The following KLHL28 variants were observed in gnomAD, a reference collection of about 807,000 sequenced individuals.
KLHL28 encodes kelch-like protein 28.
Under a neutral mutation model 48.3 loss-of-function variants are expected in KLHL28, and 22 were observed. The observed-to-expected ratio is 0.46, with a 90% CI of 0.33 to 0.65. KLHL28 has a LOEUF of 0.65. Ranked by LOEUF, KLHL28 falls within the 30% of genes least tolerant of loss-of-function variation. The pLI is 0.03. For synonymous variants in KLHL28, 243 were observed against 242.4 expected, an observed-to-expected ratio of 1.00 and a Z score of -0.02; for missense variants, 527 against 704.3, an observed-to-expected ratio of 0.75 and a Z score of 2.85.
Position 44,945,897 on chromosome 14 carries a change from G to C in KLHL28, c.32C>G (p.Ala11Gly). 1 of 1,613,758 alleles carries C rather than the reference G, an allele frequency of 6.2e-7. No homozygotes were observed. Among genetic ancestry groups the C allele is most frequent in the Non-Finnish European group, 8.5e-7 (1 of 1,179,660 alleles). The change falls in exon 2 of 5, where the codon GCT (alanine) becomes GGT (glycine). Residue 11 changes from alanine to glycine, a missense_variant. By Grantham distance (60) the Ala-to-Gly change is moderately conservative. Coordinates refer to ENST00000396128, the MANE Select transcript of KLHL28 (RefSeq NM_017658.5). MDHTSPTYML[A>G]NLTHLHSEQL... ...TTCAGAATGCAAGTGGGTTAAGTTA[G>C]CAAGCATGTAGGTCGGGGATGTGTG...
At chr14:44,951,074 A>G (rs1246157766) in intron 1 of KLHL28, among the ~76,000 whole-genome samples, 1 of 152,268 alleles carries the variant, frequency 6.6e-6, no homozygotes, top group Admixed American at 6.5e-5. Flanking sequence ...TGTCCCGCAC[A>G]TCAAAAATGG....
chr14:44,926,384 A>G lies in KLHL28; in HGVS notation c.*2644T>C, dbSNP rs1883371451. On this transcript the variant is annotated 3_prime_UTR_variant, in exon 5 of 5. Coordinates refer to ENST00000396128, the MANE Select transcript of KLHL28 (RefSeq NM_017658.5). ...ATGAAATTTAGATTTTTCAAAAACA[A>G]TGACCAGTATATGTTTTTGATCTAA... The G allele has an allele frequency of 6.6e-6, 1 of 152,226 alleles. No homozygotes were observed. The highest frequency in any genetic ancestry group is 1.5e-5 in the Non-Finnish European group (1 of 68,038). The allele number at this position is 152,226 out of a possible 1,614,324, so 9.4% of individuals were successfully genotyped here.
At chr14:44,954,832 A>T (rs1884727720) in intron 1 of KLHL28, among the ~76,000 whole-genome samples, 1 of 152,216 alleles carries the variant, frequency 6.6e-6, no homozygotes, top group Non-Finnish European at 1.5e-5. Flanking sequence ...AACATGATCC[A>T]TAAGAAATTT....
chr14:44,928,331 CG>C lies in KLHL28; in HGVS notation c.*696del, dbSNP rs1566559115. ...TAGATAGGTAATTAAATTCATCCAA[CG>C]TTAACCTGCCCATATACAAAAGGCA... is the stretch of plus-strand genomic sequence containing the variant. On this transcript the variant is annotated 3_prime_UTR_variant, in exon 5 of 5. Transcript: ENST00000396128. 1 of 152,080 alleles carries C rather than the reference CG, an allele frequency of 6.6e-6. No individual in the cohort carries two copies. Among genetic ancestry groups the C allele is most frequent in the African/African-American group, 2.4e-5 (1 of 41,400 alleles). 9.4% of individuals were successfully genotyped at this position (152,080 alleles called of 1,614,324 possible).
At chr14:44,943,528 A>G (rs537220170) in intron 2 of KLHL28, among the ~76,000 whole-genome samples, 4 of 152,282 alleles carry the variant, frequency 2.6e-5, no homozygotes, top group Admixed American at 6.5e-5. Flanking sequence ...ATGATGGCAC[A>G]TGCCTGTAAT....
chr14:44,944,823 T>A (rs966993720), intron 2 of KLHL28, among the ~76,000 whole-genome samples: 6 of 152,022 alleles, frequency 3.9e-5, no homozygotes, highest in Non-Finnish European at 8.8e-5. Flanking sequence ...CTTGGGGAGA[T>A]GGTTAATAAT....
intron 1 of KLHL28, among the ~76,000 whole-genome samples, chr14:44,954,050 T>G (rs1300072571): frequency 6.6e-6 from 1 of 152,206 alleles, no homozygotes. Flanking sequence ...CATAAATGAT[T>G]TTAACCATAC....
At chr14:44,960,984 A>G (rs1885052932) in intron 1 of KLHL28, 1 of 1,086,106 alleles carries the variant, frequency 9.2e-7, no homozygotes, top group Admixed American at 2.1e-5. Context: ...TTCAAAAGTA[A>G]TAGTATTATT....
intron 4 of KLHL28, 33 bp downstream of exon 4, chr14:44,931,300 T>C (rs748179491): frequency 2.8e-6 from 4 of 1,412,914 alleles, no homozygotes; most frequent in Non-Finnish European, 4.0e-6. Context: ...AAACATTGCC[T>C]TACATGTTTA....
At chr14:44,949,546 C>T (rs183912130) in intron 1 of KLHL28, among the ~76,000 whole-genome samples, 17 of 152,026 alleles carry the variant, frequency 1.1e-4, no homozygotes, top group Admixed American at 1.1e-3. Flanking sequence ...GGAATGAGGC[C>T]TAGAGGGATG....
At chr14:44,931,698 T>C (rs967184698) in intron 3 of KLHL28, among the ~76,000 whole-genome samples, 157 bp from the exon 4 acceptor site, 1 of 152,200 alleles carries the variant, frequency 6.6e-6, no homozygotes, top group Non-Finnish European at 1.5e-5. Context: ...GCTGATAAGA[T>C]TGCAAAGATA....
At position 44,944,152 on chromosome 14, in the gene KLHL28, T is replaced by C. The variant is rs1320686022; in HGVS notation, c.899+878A>G. 3.3e-5 allele frequency among the ~76,000 whole-genome samples: 5 copies of C among 152,352 alleles called. No individual in the cohort carries two copies. In the East Asian group the frequency reaches 9.6e-4, roughly 29 times the overall value. On this transcript the variant is annotated intron_variant, in intron 2 of 4. Transcript: ENST00000396128. ...TATGTATTAAACACAAAAGTTTTCA[T>C]GAAGCAATCCTATCTAAGAAAAAGC...
rs1883445081 is a variant in KLHL28, at chr14:44,928,401, CATG to C, written c.*624_*626del. 2.0e-5 allele frequency: 3 copies of C among 152,022 alleles called. No individual in the cohort carries two copies. Among genetic ancestry groups the C allele is most frequent in the Admixed American group, 2.0e-4 (3 of 15,254 alleles). The allele number at this position is 152,022 out of a possible 1,614,324, so 9.4% of individuals were successfully genotyped here. ...TTTCCTAAAATAGGGCCCCAAATAT[CATG>C]ATAATAAAAGCAATTGTCTTAAAAA... On this transcript the variant is annotated 3_prime_UTR_variant, in exon 5 of 5. Transcript: ENST00000396128.
chr14:44,959,043 AATAT>A (rs1438430345), intron 1 of KLHL28, among the ~76,000 whole-genome samples: 3 of 151,942 alleles, frequency 2.0e-5, no homozygotes, highest in Non-Finnish European at 4.4e-5. Flanking sequence ...GATAGATTAA[AATAT>A]ATATAATCTT....
intron 1 of KLHL28, among the ~76,000 whole-genome samples, chr14:44,954,394 A>G (rs761270049): frequency 2.0e-5 from 3 of 152,260 alleles, no homozygotes; most frequent in Non-Finnish European, 4.4e-5. Flanking sequence ...CTTATTCCTC[A>G]TATTTGAGAG....
chr14:44,940,445 T>C (rs1884020683), intron 2 of KLHL28, among the ~76,000 whole-genome samples: 1 of 152,208 alleles, frequency 6.6e-6, no homozygotes, highest in African/African-American at 2.4e-5. Flanking sequence ...TTTAACATAT[T>C]TGCACAACTA....
At chr14:44,937,911 C>T (rs1457587056) in intron 2 of KLHL28, among the ~76,000 whole-genome samples, 9 of 152,184 alleles carry the variant, frequency 5.9e-5, no homozygotes, top group Admixed American at 5.9e-4. Context: ...GGTATTAACC[C>T]CTTCAAGAGG....
At chr14:44,937,514 A>G (rs1883876524) in intron 2 of KLHL28, among the ~76,000 whole-genome samples, 1 of 152,110 alleles carries the variant, frequency 6.6e-6, no homozygotes. Context: ...TGAGAGTAAG[A>G]CTTCTCAGTG....
intron 2 of KLHL28, among the ~76,000 whole-genome samples, chr14:44,937,494 T>C (rs1883875549): frequency 6.6e-6 from 1 of 151,976 alleles, no homozygotes; most frequent in African/African-American, 2.4e-5. Flanking sequence ...AATTGGAAAA[T>C]TGGTTGGTAT....
Sources: gnomAD v4.1 joint callset for allele counts (sites outside exome capture counted in the v4.1 genomes callset) on GRCh38, gnomAD v4.1.1 for gene constraint, MANE v1.5 for transcripts, NCBI Gene and HGNC (gene_info 2026-07-23, HGNC 2026-07-21) for gene names.